Variants in EPSTI1 observed in about 807,000 individuals in gnomAD.
The protein encoded by EPSTI1 is epithelial stromal interaction 1.
EPSTI1 carries 66 observed loss-of-function variants against 49.9 expected under a neutral mutation model. The ratio of observed to expected loss-of-function variants is 1.32; its 90% CI spans 1.08 to 1.62. The LOEUF is 1.62. Among genes scored for constraint, EPSTI1 ranks in the 40% most tolerant of loss-of-function variants. The probability of loss-of-function intolerance (pLI) is 0.00; values close to 1 mark genes in which losing one functional copy is unlikely to be tolerated. For synonymous variants in EPSTI1, 137 were observed against 130.7 expected (o/e 1.05, Z -0.33); for missense variants, 394 against 365.5 (o/e 1.08, Z -0.64).
chr13:42,895,769 C>T (rs1055523012), intron 9 of EPSTI1, among the ~76,000 whole-genome samples: 4 of 152,144 alleles, frequency 2.6e-5, no homozygotes, highest in Admixed American at 6.5e-5. Context: ...CCACGTATGG[C>T]TGAGTAGAGT....
intron 7 of EPSTI1, among the ~76,000 whole-genome samples, chr13:42,920,380 A>G (rs1308196544): frequency 6.6e-6 from 1 of 152,222 alleles, no homozygotes; most frequent in Non-Finnish European, 1.5e-5. Flanking sequence ...AGGGAAATCT[A>G]TGAAGACCAA....
intron 5 of EPSTI1, among the ~76,000 whole-genome samples, chr13:42,958,831 G>C (rs987286906): frequency 1.3e-5 from 2 of 152,096 alleles, no homozygotes; most frequent in African/African-American, 4.8e-5. Flanking sequence ...GAAAGACCCA[G>C]CTGAGATCAA....
intron 9 of EPSTI1, among the ~76,000 whole-genome samples, chr13:42,895,445 G>A: frequency 6.6e-6 from 1 of 152,178 alleles, no homozygotes; most frequent in African/African-American, 2.4e-5. Context: ...AGAGGCTGGA[G>A]AGAGAAAGAA....
chr13:42,926,193 T>C, intron 7 of EPSTI1, 143 bp downstream of exon 7: 1 of 658,798 alleles, frequency 1.5e-6, no homozygotes. Context: ...CAGGCAACAG[T>C]TGAGGTCAAA....
intron 1 of EPSTI1, among the ~76,000 whole-genome samples, chr13:42,991,473 C>A (rs2040192943): frequency 6.6e-6 from 1 of 152,162 alleles, no homozygotes; most frequent in South Asian, 2.1e-4. Context: ...TTAGTAAAGA[C>A]TGGGTTTCAC....
intron 6 of EPSTI1, among the ~76,000 whole-genome samples, chr13:42,936,816 GTAAACT>G (rs1401848640): frequency 8.5e-5 from 13 of 152,118 alleles, no homozygotes; most frequent in Admixed American, 6.6e-4. Context: ...TTCTAAATAT[GTAAACT>G]TAAACTTAAC....
intron 10 of EPSTI1, among the ~76,000 whole-genome samples, chr13:42,891,491 GT>G (rs900636915): frequency 5.9e-5 from 9 of 151,428 alleles, no homozygotes; most frequent in African/African-American, 1.5e-4. Context: ...TTTTAGGAGG[GT>G]TTTTTTTGCC....
chr13:42,928,706 A>T (rs528907553), intron 6 of EPSTI1, among the ~76,000 whole-genome samples: 2 of 152,356 alleles, frequency 1.3e-5, no homozygotes, highest in South Asian at 2.1e-4. Flanking sequence ...CAGTTGTAGC[A>T]GACTGCTAAA....
rs1329884916 is a variant in EPSTI1 at position 42,941,739 on chromosome 13, T to G, written c.563+12209A>C. ...GCTTTCTAGGATTTGGGGTGTTTTT[T>G]TTTTGGAGGTTACCAAGAGTCTTTG... On this transcript the variant is annotated intron_variant, in intron 6 of 10. Transcript: ENST00000313624. 4.0e-5 allele frequency among the ~76,000 whole-genome samples: 6 copies of G among 151,620 alleles called. No homozygotes were observed. In the East Asian group the frequency reaches 7.7e-4, roughly 19 times the overall value.
At chr13:42,891,833 C>T (rs2037043733) in intron 10 of EPSTI1, among the ~76,000 whole-genome samples, 1 of 152,162 alleles carries the variant, frequency 6.6e-6, no homozygotes, top group Admixed American at 6.5e-5. Flanking sequence ...GAACATACAT[C>T]ACCACAGGGA....
At chr13:42,991,883 C>G (rs1311453687) in intron 1 of EPSTI1, 95 bp downstream of exon 1, 3 of 1,360,700 alleles carry the variant, frequency 2.2e-6, no homozygotes, top group African/African-American at 1.4e-5. Context: ...TTGTTGGGCC[C>G]CTGTGGTTTT....
chr13:42,892,247 C>T (rs1000116889), intron 10 of EPSTI1, among the ~76,000 whole-genome samples: 5 of 152,080 alleles, frequency 3.3e-5, no homozygotes, highest in Admixed American at 6.6e-5. Context: ...TTGGGGGTGG[C>T]GAAAGCCATT....
At chr13:42,941,765 AGGCCTTGAACAT>A (rs1428755733) in intron 6 of EPSTI1, among the ~76,000 whole-genome samples, 2 of 150,992 alleles carry the variant, frequency 1.3e-5, no homozygotes, top group Non-Finnish European at 2.9e-5. Flanking sequence ...AGAGTCTTTG[AGGCCTTGAACAT>A]GGCCAATTTT....
rs772774234 is a variant in EPSTI1, at chr13:42,992,121, G to A, written c.45C>T (p.Ser15=). 5.0e-6 allele frequency: 8 copies of A among 1,608,730 alleles called. No individual in the cohort carries two copies. The highest frequency in any genetic ancestry group is 2.5e-6 in the Non-Finnish European group (3 of 1,178,300). Residue 15 remains serine (S), a synonymous_variant, in exon 1 of 11, where the codon TCC becomes TCT. Transcript: ENST00000313624. ...GATCCCGGGTCGGGCGGGAGGCAGGGGAGGCGCCGAGCCCGGAGTTCACCA... is the reference window on the plus strand; with the variant it reads ...GATCCCGGGTCGGGCGGGAGGCAGGAGAGGCGCCGAGCCCGGAGTTCACCA... ...NRVVNSGLGA[S]PASRPTRDPQ...
chr13:42,923,379 G>A (rs1215987169), intron 7 of EPSTI1, among the ~76,000 whole-genome samples: 1 of 152,098 alleles, frequency 6.6e-6, no homozygotes, highest in African/African-American at 2.4e-5. Flanking sequence ...TGCGCAATGT[G>A]GCAAAACCCT....
rs749482160 is a variant in EPSTI1 at position 42,969,165 on chromosome 13, T to A, written c.260A>T (p.Glu87Val). ...CTTCCACTTCTCCAGGTTGGCCAGC[T>A]CCTGCTCCGCAACTAAGCCAGGCGA... ...RNEIQRIAEQ[E>V]LANLEKWKEQ... Residue 87 changes from glutamate to valine, a missense_variant, in exon 3 of 11, where the codon GAG (glutamate) becomes GTG (valine). Physicochemically the swap from Glu to Val is moderately radical, Grantham distance 121 (BLOSUM62 -2). Transcript: ENST00000313624. 6.2e-7 allele frequency: 1 copy of A among 1,614,042 alleles called. No individual in the cohort carries two copies. The highest frequency in any genetic ancestry group is 1.1e-5 in the South Asian group (1 of 91,082).
At chr13:42,952,826 T>C (rs1042785593) in intron 6 of EPSTI1, among the ~76,000 whole-genome samples, 1 of 152,230 alleles carries the variant, frequency 6.6e-6, no homozygotes, top group Non-Finnish European at 1.5e-5. Context: ...TCTCTTCCAT[T>C]CCTGCCTCTG....
Position 42,887,159 on chromosome 13 carries a change from C to G in EPSTI1, c.*1335G>C, listed in dbSNP as rs2036888530. On this transcript the variant is annotated 3_prime_UTR_variant, in exon 11 of 11. Coordinates refer to ENST00000313624, the MANE Select transcript of EPSTI1 (RefSeq NM_033255.5). ...GGCAATGACAAGGATTTCAAATGGACCAAACATTTTATATTAGTGTCAACA... is the reference window on the plus strand; with the variant it reads ...GGCAATGACAAGGATTTCAAATGGAGCAAACATTTTATATTAGTGTCAACA... The G allele has an allele frequency of 1.3e-5, 2 of 152,164 alleles. No homozygotes were observed. Among genetic ancestry groups the G allele is most frequent in the South Asian group, 4.1e-4 (2 of 4,824 alleles). The allele number at this position is 152,164 out of a possible 1,614,324, so 9.4% of individuals were successfully genotyped here.
At chr13:42,909,373 G>T (rs541962648) in intron 8 of EPSTI1, among the ~76,000 whole-genome samples, 1 of 152,204 alleles carries the variant, frequency 6.6e-6, no homozygotes, top group East Asian at 1.9e-4. Context: ...ATGAAAAGAG[G>T]TGTAAGTTCT....
Sources: gnomAD v4.1 joint callset for allele counts (sites outside exome capture counted in the v4.1 genomes callset) on GRCh38, gnomAD v4.1.1 for gene constraint, MANE v1.5 for transcripts, NCBI Gene and HGNC (gene_info 2026-07-23, HGNC 2026-07-21) for gene names.